LINGO2: variants seen among roughly 807,000 people sequenced by gnomAD.
LINGO2 encodes the protein leucine rich repeat and Ig domain containing 2.
In LINGO2, 14 loss-of-function variants were observed where a neutral mutation model predicts 30.6. The ratio of observed to expected loss-of-function variants is 0.46; its 90% CI spans 0.30 to 0.72. LINGO2 has a LOEUF of 0.72. Among genes scored for constraint, LINGO2 ranks in the 30% least tolerant of loss-of-function variants. The probability of loss-of-function intolerance (pLI) is 0.07; values close to 1 mark genes in which losing one functional copy is unlikely to be tolerated. For missense variants in LINGO2, 729 were observed against 751.7 expected (o/e 0.97, Z 0.35); for synonymous variants, 317 against 288.5 (o/e 1.10, Z -1.00).
the LINGO2 span, among the ~76,000 whole-genome samples, chr9:29,213,197 T>C: frequency 6.6e-6 from 1 of 152,134 alleles, no homozygotes; most frequent in Non-Finnish European, 1.5e-5. Context: ...TCAGTTTTCT[T>C]CCGTAACCCC....
the LINGO2 span, among the ~76,000 whole-genome samples, chr9:29,059,170 G>T: frequency 1.3e-5 from 2 of 151,728 alleles, no homozygotes; most frequent in Middle Eastern, 3.2e-3. Context: ...AATATTAATA[G>T]ATTGGAGAAC....
chr9:28,519,530 C>G (rs768157505), intron 1 of LINGO2, among the ~76,000 whole-genome samples: 1 of 152,158 alleles, frequency 6.6e-6, no homozygotes, highest in Non-Finnish European at 1.5e-5. Flanking sequence ...CAAATCATTC[C>G]TATCCTCTGT....
At chr9:28,043,659 C>G (rs571564922) in intron 4 of LINGO2, among the ~76,000 whole-genome samples, 1 of 152,126 alleles carries the variant, frequency 6.6e-6, no homozygotes, top group Non-Finnish European at 1.5e-5. Flanking sequence ...ACCCATCACC[C>G]AGTTTCAACA....
At chr9:29,055,307 G>T in the LINGO2 span, among the ~76,000 whole-genome samples, 1 of 152,148 alleles carries the variant, frequency 6.6e-6, no homozygotes, top group Non-Finnish European at 1.5e-5. Context: ...ACCTAGTGTA[G>T]AATATAAAAG....
At chr9:29,003,130 T>G in the LINGO2 span, among the ~76,000 whole-genome samples, 1 of 151,968 alleles carries the variant, frequency 6.6e-6, no homozygotes, top group Non-Finnish European at 1.5e-5. Context: ...ATGGAACAGA[T>G]TCTCCCCTAG....
At chr9:27,967,473 G>A (rs569208337) in intron 5 of LINGO2, among the ~76,000 whole-genome samples, 15 of 152,228 alleles carry the variant, frequency 9.9e-5, no homozygotes, top group African/African-American at 3.1e-4. Context: ...ATGTAGTTTA[G>A]CTACGTGGCT....
At chr9:29,071,362 C>A in the LINGO2 span, among the ~76,000 whole-genome samples, 1 of 150,444 alleles carries the variant, frequency 6.6e-6, no homozygotes, top group Non-Finnish European at 1.5e-5. Context: ...TGGCAAAAGT[C>A]ATTTTAAATA....
the LINGO2 span, among the ~76,000 whole-genome samples, chr9:29,071,741 G>A: frequency 1.3e-5 from 2 of 151,046 alleles, no homozygotes; most frequent in Non-Finnish European, 2.9e-5. Flanking sequence ...ATGGACATCA[G>A]TCAGTGCTTT....
At chr9:29,037,594 T>C in the LINGO2 span, among the ~76,000 whole-genome samples, 1 of 152,040 alleles carries the variant, frequency 6.6e-6, no homozygotes, top group South Asian at 2.1e-4. Context: ...TATATGAAGA[T>C]TAAAATATTA....
At chr9:28,105,166 C>A (rs1826546426) in intron 4 of LINGO2, among the ~76,000 whole-genome samples, 1 of 152,138 alleles carries the variant, frequency 6.6e-6, no homozygotes, top group African/African-American at 2.4e-5. Context: ...GACAAAAATA[C>A]TCCACTTCTG....
Position 28,148,890 on chromosome 9 carries a change from A to G in LINGO2, c.-86-136485T>C, listed in dbSNP as rs1587085511. On this transcript the variant is annotated intron_variant, in intron 4 of 5. Transcript: ENST00000379992. The surrounding 1 kb of genome is among the most constrained non-coding windows in gnomAD (Gnocchi z 5.1). ...ATGGTGGGGGAGGACATGCAGCCCAAGGATCCTGCAGCTCTTGGGTCAAGT... is the reference window on the plus strand; with the variant it reads ...ATGGTGGGGGAGGACATGCAGCCCAGGGATCCTGCAGCTCTTGGGTCAAGT... The G allele has an allele frequency of 1.3e-6, 2 of 1,533,796 alleles. No homozygotes were observed. Among genetic ancestry groups the G allele is most frequent in the East Asian group, 4.9e-5 (2 of 40,902 alleles).
chr9:28,935,524 T>G, the LINGO2 span, among the ~76,000 whole-genome samples: 2 of 152,140 alleles, frequency 1.3e-5, no homozygotes, highest in African/African-American at 4.8e-5. Flanking sequence ...TTTTTCATAA[T>G]TGCATAAAAT....
At chr9:29,117,731 T>C in the LINGO2 span, among the ~76,000 whole-genome samples, 9 of 152,340 alleles carry the variant, frequency 5.9e-5, no homozygotes, top group South Asian at 1.7e-3. Context: ...AATTCTGGTG[T>C]GGCAGCGTTG....
the LINGO2 span, among the ~76,000 whole-genome samples, chr9:29,179,378 T>C: frequency 1.3e-5 from 2 of 151,716 alleles, no homozygotes; most frequent in South Asian, 2.1e-4. Flanking sequence ...AAGGAATACA[T>C]AGAATGCTTA....
At chr9:28,841,867 G>A in the LINGO2 span, among the ~76,000 whole-genome samples, 1 of 151,650 alleles carries the variant, frequency 6.6e-6, no homozygotes, top group East Asian at 1.9e-4. Flanking sequence ...TAAGAACAAA[G>A]GGCACCATAC....
At chr9:28,418,596 TA>T (rs753239310) in intron 2 of LINGO2, among the ~76,000 whole-genome samples, 36 of 152,096 alleles carry the variant, frequency 2.4e-4, no homozygotes, top group Non-Finnish European at 4.1e-4. Context: ...CATTTATACC[TA>T]AGGGTCAGTT....
chr9:27,960,387 A>G (rs545357389), intron 5 of LINGO2, among the ~76,000 whole-genome samples: 1 of 152,192 alleles, frequency 6.6e-6, no homozygotes. Context: ...TCGATAAAAC[A>G]TGACCTGAGA....
At chr9:28,639,023 T>C (rs1351984202) in intron 1 of LINGO2, among the ~76,000 whole-genome samples, 5 of 152,154 alleles carry the variant, frequency 3.3e-5, no homozygotes, top group Admixed American at 1.3e-4. Context: ...TGTTGTGTCT[T>C]TGTTCTCGTT....
chr9:28,772,542 C>T, the LINGO2 span, among the ~76,000 whole-genome samples: 1 of 152,168 alleles, frequency 6.6e-6, no homozygotes, highest in African/African-American at 2.4e-5. Context: ...GAATGGAAAA[C>T]CATGCTCTAG....
Sources: allele counts gnomAD v4.1 joint callset (sites outside exome capture counted in the v4.1 genomes callset), GRCh38; gene constraint gnomAD v4.1.1; non-coding constraint Gnocchi (gnomAD v3.1); transcripts MANE v1.5; gene names NCBI Gene and HGNC (gene_info 2026-07-23, HGNC 2026-07-21).